The following HELZ variants were observed in gnomAD, a reference collection of about 807,000 sequenced individuals.
The protein encoded by HELZ is helicase with zinc finger.
HELZ carries 23 observed loss-of-function variants against 218.2 expected under a neutral mutation model. That is an observed-to-expected ratio of 0.11 (90% CI 0.08 to 0.15). The LOEUF (loss-of-function observed/expected upper bound fraction) is 0.15. Ranked by LOEUF, HELZ falls within the 10% of genes least tolerant of loss-of-function variation. The pLI is 1.00. For synonymous variants in HELZ, 814 were observed against 829.4 expected (o/e 0.98, Z 0.32); for missense variants, 1,813 against 2,353.7 (o/e 0.77, Z 4.75).
chr17:67,245,370 G>A (rs1451995649), upstream of HELZ: 3 of 734,932 alleles, frequency 4.1e-6, no homozygotes, highest in Non-Finnish European at 3.3e-6. Context: ...CGGGCTGACG[G>A]CATTGAAAAT....
intron 7 of HELZ, among the ~76,000 whole-genome samples, chr17:67,199,999 A>G (rs1377533767): frequency 6.6e-6 from 1 of 152,150 alleles, no homozygotes; most frequent in Non-Finnish European, 1.5e-5. Context: ...TGTGAATTAC[A>G]CTTACAGTTG....
intron 27 of HELZ, among the ~76,000 whole-genome samples, chr17:67,115,039 C>A (rs1476427757): frequency 6.6e-6 from 1 of 152,092 alleles, no homozygotes; most frequent in Non-Finnish European, 1.5e-5. Context: ...TTGAAGGAAT[C>A]CTTGATTTAG....
At position 67,076,430 on chromosome 17, in the gene HELZ, G is replaced by A. The variant is rs1374509011; in HGVS notation, c.*1822C>T. The A allele has an allele frequency of 6.6e-6, 1 of 152,170 alleles. No homozygotes were observed. The highest frequency in any genetic ancestry group is 1.5e-5 in the Non-Finnish European group (1 of 68,032). 9.4% of individuals were successfully genotyped at this position (152,170 alleles called of 1,614,324 possible). On this transcript the variant is annotated 3_prime_UTR_variant, in exon 33 of 33. Transcript: ENST00000358691. ...AACTTGCCGGCTCAGTTTTCCAGCT[G>A]TGATTTATGCTAACCATTAACACGT... is the stretch of plus-strand genomic sequence containing the variant.
At chr17:67,209,000 G>T (rs1489635817) in intron 5 of HELZ, among the ~76,000 whole-genome samples, 1 of 117,862 alleles carries the variant, frequency 8.5e-6, no homozygotes, top group East Asian at 2.8e-4. Flanking sequence ...AGGCAGGAAG[G>T]CAAAAAGGAA....
In HELZ at chr17:67,188,117, T is replaced by C. The variant is rs2039805809; in HGVS notation, c.1162+202A>G. 3 of 510,510 alleles carry C rather than the reference T, an allele frequency of 5.9e-6. No individual in the cohort carries two copies. The highest frequency in any genetic ancestry group is 1.0e-5 in the Non-Finnish European group (3 of 293,090). The allele number at this position is 510,510 out of a possible 1,614,324, so 31.6% of individuals were successfully genotyped here. ...TTTGGGGAACCTCAAAGTTCAAGCTTTACCTGGTGGCTCTGTGAAGAAATC... is the reference window on the plus strand; with the variant it reads ...TTTGGGGAACCTCAAAGTTCAAGCTCTACCTGGTGGCTCTGTGAAGAAATC... On this transcript the variant is annotated intron_variant, in intron 12 of 32. Coordinates refer to ENST00000358691, the MANE Select transcript of HELZ (RefSeq NM_014877.4). This position sits in a 1 kb window ranked among gnomAD's most constrained non-coding sequence, Gnocchi z 4.1.
At chr17:67,202,510 A>C (rs2040194076) in intron 6 of HELZ, among the ~76,000 whole-genome samples, 1 of 152,218 alleles carries the variant, frequency 6.6e-6, no homozygotes, top group African/African-American at 2.4e-5. Context: ...AACTTAAAAA[A>C]ATCAAATGCT....
intron 17 of HELZ, among the ~76,000 whole-genome samples, chr17:67,155,815 C>A (rs1188679579): frequency 2.8e-5 from 4 of 145,158 alleles, no homozygotes; most frequent in Admixed American, 6.9e-5. Flanking sequence ...CTATTTTGGG[C>A]AACAAAGCAA....
In HELZ at chr17:67,187,834, C is replaced by G. The variant is rs2039797324; in HGVS notation, c.1162+485G>C. ...TTTGATTAAAGGCACCCTTGGCCTCCTTAACACTAGTGGATGCACAAACTG... is the reference window on the plus strand; with the variant it reads ...TTTGATTAAAGGCACCCTTGGCCTCGTTAACACTAGTGGATGCACAAACTG... On this transcript the variant is annotated intron_variant, in intron 12 of 32. Transcript: ENST00000358691. Among the ~76,000 whole-genome samples, 5 of 152,186 alleles carry G rather than the reference C, an allele frequency of 3.3e-5. No individual in the cohort carries two copies. In the South Asian group the frequency reaches 1.0e-3, roughly 31 times the overall value.
intron 9 of HELZ, among the ~76,000 whole-genome samples, chr17:67,191,544 C>T (rs770752270): frequency 3.3e-5 from 5 of 152,014 alleles, no homozygotes; most frequent in Non-Finnish European, 5.9e-5. Context: ...CTCTGCCTCC[C>T]GGGTTCAAGG....
At chr17:67,178,581 C>T in intron 13 of HELZ, 78 bp downstream of exon 13, 1 of 1,207,912 alleles carries the variant, frequency 8.3e-7, no homozygotes, top group East Asian at 2.4e-5. Context: ...TTCACTTAGG[C>T]ACACTTTCAT....
intron 32 of HELZ, among the ~76,000 whole-genome samples, chr17:67,078,913 T>C (rs1372363188): frequency 2.0e-5 from 3 of 152,272 alleles, no homozygotes; most frequent in African/African-American, 7.2e-5. Flanking sequence ...TGCTCATAGT[T>C]TGTAAACAGG....
Position 67,077,126 on chromosome 17 carries a change from G to GGTA in HELZ, c.*1123_*1125dup, listed in dbSNP as rs1339567072. On this transcript the variant is annotated 3_prime_UTR_variant, in exon 33 of 33. Transcript: ENST00000358691. ...AGAATTGAAAGACATGAAAAACAAG[G>GGTA]GTAGTTTTCTGCCCCAGATTCTGAT... is the stretch of plus-strand genomic sequence containing the variant. 6.6e-6 allele frequency: 1 copy of GGTA among 152,360 alleles called. No homozygotes were observed. The highest frequency in any genetic ancestry group is 2.4e-5 in the African/African-American group (1 of 41,380). 9.4% of individuals were successfully genotyped at this position (152,360 alleles called of 1,614,324 possible). A position where few individuals can be genotyped will look rare whatever the true frequency, so the allele number is the denominator to read the frequency against.
At chr17:67,149,399 T>C (rs916784410) in intron 19 of HELZ, among the ~76,000 whole-genome samples, 4 of 152,142 alleles carry the variant, frequency 2.6e-5, no homozygotes, top group Non-Finnish European at 5.9e-5. Flanking sequence ...TTCCTACATA[T>C]AGATATTCAA....
chr17:67,070,477 T>C lies in HELZ; in HGVS notation c.*7775A>G, dbSNP rs935021618. On this transcript the variant is annotated 3_prime_UTR_variant, in exon 33 of 33. Coordinates refer to ENST00000358691, the MANE Select transcript of HELZ (RefSeq NM_014877.4). The stretch of plus-strand genomic sequence containing the variant: ...AAGGCATTTTATTATAAATACATTT[T>C]AGTTGTAGCAGTAAAATACATTTTG... 6.6e-6 allele frequency: 1 copy of C among 152,222 alleles called. No homozygotes were observed. Among genetic ancestry groups the C allele is most frequent in the Non-Finnish European group, 1.5e-5 (1 of 68,036 alleles). The allele number at this position is 152,222 out of a possible 1,614,324, so 9.4% of individuals were successfully genotyped here. A position where few individuals can be genotyped will look rare whatever the true frequency, so the allele number is the denominator to read the frequency against.
intron 23 of HELZ, among the ~76,000 whole-genome samples, chr17:67,130,088 C>T (rs2037927944): frequency 6.6e-6 from 1 of 152,082 alleles, no homozygotes; most frequent in African/African-American, 2.4e-5. Context: ...TAATTCCAAA[C>T]CGTGCTTCTC....
intron 32 of HELZ, among the ~76,000 whole-genome samples, chr17:67,079,819 T>C (rs180791060): frequency 4.6e-5 from 7 of 152,362 alleles, no homozygotes; most frequent in Non-Finnish European, 1.0e-4. Flanking sequence ...GTTTTCCTTG[T>C]TTATTACCTA....
In HELZ at chr17:67,136,151, T is replaced by C. The variant is rs761412891; in HGVS notation, c.3001A>G (p.Thr1001Ala). 1 of 1,613,972 alleles carries C rather than the reference T, an allele frequency of 6.2e-7. No individual in the cohort carries two copies. Among genetic ancestry groups the C allele is most frequent in the Admixed American group, 1.7e-5 (1 of 60,026 alleles). ...ATTGGTGTCTGTTTATGTTTACAAGTATGTCTTGTACGTACTGTGCTAAGA... is the reference window on the plus strand; with the variant it reads ...ATTGGTGTCTGTTTATGTTTACAAGCATGTCTTGTACGTACTGTGCTAAGA... ...LFLSTVRTRH[T>A]CKHKQTPIKK... Residue 1001 changes from threonine to alanine, a missense_variant, in exon 23 of 33, where the codon ACT becomes GCT. Thr to Ala is a moderately conservative substitution (Grantham distance 58). This residue lies in a region of HELZ where 156 missense variants were observed against 274.4 expected (regional missense o/e 0.57). Transcript: ENST00000358691.
At chr17:67,174,546 C>G (rs1486523574) in intron 13 of HELZ, among the ~76,000 whole-genome samples, 2 of 152,132 alleles carry the variant, frequency 1.3e-5, no homozygotes, top group Non-Finnish European at 2.9e-5. Context: ...CGCCTGTAAT[C>G]CCAGCACTTT....
intron 31 of HELZ, among the ~76,000 whole-genome samples, chr17:67,105,194 T>A (rs1452017202): frequency 6.6e-6 from 1 of 151,892 alleles, no homozygotes; most frequent in Non-Finnish European, 1.5e-5. Flanking sequence ...ATGGTTATAA[T>A]TTTTTTTACA....
Sources: allele counts gnomAD v4.1 joint callset (sites outside exome capture counted in the v4.1 genomes callset), GRCh38; gene constraint gnomAD v4.1.1; regional missense constraint gnomAD v4.1.1; non-coding constraint Gnocchi (gnomAD v3.1); transcripts MANE v1.5; gene names NCBI Gene and HGNC (gene_info 2026-07-23, HGNC 2026-07-21).